MAST3: variants seen among roughly 807,000 people sequenced by gnomAD.
MAST3 encodes the protein microtubule-associated serine/threonine-protein kinase 3.
Under a neutral mutation model 127.0 loss-of-function variants are expected in MAST3, and 43 were observed. The observed-to-expected ratio is 0.34, with a 90% CI of 0.27 to 0.44. The LOEUF (loss-of-function observed/expected upper bound fraction) is 0.44, where lower values mean the gene tolerates loss of function less well. Ranked by LOEUF, MAST3 falls within the 20% of genes least tolerant of loss-of-function variation. MAST3 has a pLI of 1.00. For synonymous variants in MAST3, 785 were observed against 809.2 expected (o/e 0.97, Z 0.51); for missense variants, 1,390 against 1,919.1 (o/e 0.72, Z 5.15).
In MAST3 at chr19:18,149,383, C is replaced by T. The variant is rs1471699536; in HGVS notation, c.3701C>T (p.Ala1234Val). The change falls in exon 28 of 28, where the codon GCG becomes GTG. Residue 1234 changes from alanine to valine, a missense_variant. Physicochemically the swap from Ala to Val is moderately conservative, Grantham distance 64. Transcript: ENST00000687212. This position sits in a 1 kb window ranked among gnomAD's most constrained non-coding sequence, Gnocchi z 5.9. Reference protein sequence around the residue: ...PSPLACPPISAPPPRSPSPLP... With the variant: ...PSPLACPPISVPPPRSPSPLP... ...CCGCTGGCCTGCCCGCCCATCTCCGCGCCCCCACCCCGCTCGCCCTCGCCC... is the reference window on the plus strand; with the variant it reads ...CCGCTGGCCTGCCCGCCCATCTCCGTGCCCCCACCCCGCTCGCCCTCGCCC... The T allele has an allele frequency of 2.0e-6, 3 of 1,471,444 alleles. No homozygotes were observed. Among genetic ancestry groups the T allele is most frequent in the Non-Finnish European group, 1.8e-6 (2 of 1,116,666 alleles). The allele number at this position is 1,471,444 out of a possible 1,614,324, so 91.1% of individuals were successfully genotyped here. A position where few individuals can be genotyped will look rare whatever the true frequency, so the allele number is the denominator to read the frequency against.
Position 18,118,312 on chromosome 19 carries a change from A to G in MAST3, c.162-3373A>G, listed in dbSNP as rs907152290. ...GCCAGCCGAGCAAACAGGAGTTGCC[A>G]GAAGTGTGTCCTGGCCGCGTGGCGC... On this transcript the variant is annotated intron_variant, in intron 3 of 27. Transcript: ENST00000687212. 4.7e-5 allele frequency: 44 copies of G among 943,534 alleles called. No homozygotes were observed. The African/African-American group carries it at 6.0e-4, about 13-fold the overall frequency. The allele number at this position is 943,534 out of a possible 1,614,324, so 58.4% of individuals were successfully genotyped here. A position where few individuals can be genotyped will look rare whatever the true frequency, so the allele number is the denominator to read the frequency against.
In MAST3 at chr19:18,112,069, T is replaced by G. The variant is rs2038707862; in HGVS notation, c.161+1328T>G. Among the ~76,000 whole-genome samples the G allele has an allele frequency of 6.6e-6, 1 of 152,250 alleles. No individual in the cohort carries two copies. Among genetic ancestry groups the G allele is most frequent in the Non-Finnish European group, 1.5e-5 (1 of 68,038 alleles). ...ACAGGGACCTCTTGGGGAGGTGATGTTTGAGCCAAGGCCTGGGCACAGCTA... is the reference window on the plus strand; with the variant it reads ...ACAGGGACCTCTTGGGGAGGTGATGGTTGAGCCAAGGCCTGGGCACAGCTA... On this transcript the variant is annotated intron_variant, in intron 3 of 27. Coordinates refer to ENST00000687212, the MANE Select transcript of MAST3 (RefSeq NM_001393504.1). This position sits in a 1 kb window ranked among gnomAD's most constrained non-coding sequence, Gnocchi z 4.1.
At chr19:18,099,060 G>T (rs2037297940) in intron 1 of MAST3, 3 of 272,440 alleles carry the variant, frequency 1.1e-5, no homozygotes, top group African/African-American at 6.6e-5. Flanking sequence ...ACCTAGGGAG[G>T]ACTGAGCAGG....
chr19:18,100,128 C>CTCTTTTTTTTTT (rs776661078), intron 1 of MAST3, among the ~76,000 whole-genome samples: 11 of 121,710 alleles, frequency 9.0e-5, no homozygotes, highest in East Asian at 2.7e-4. Flanking sequence ...CTCTCTCTCT[C>CTCTTTTTTTTTT]TTTTTTTTTT....
At chr19:18,130,426 A>C (rs2041153277) in intron 13 of MAST3, 68 bp from the exon 14 acceptor site, 2 of 1,417,492 alleles carry the variant, frequency 1.4e-6, no homozygotes, top group Non-Finnish European at 1.9e-6. Flanking sequence ...ATCTGGGCTC[A>C]AGTTGAGCTG....
chr19:18,107,565 C>T (rs1156331952), intron 1 of MAST3, 22 bp from the exon 2 acceptor site: 22 of 1,612,948 alleles, frequency 1.4e-5, no homozygotes, highest in Non-Finnish European at 1.8e-5. Flanking sequence ...TGAGAATGAT[C>T]CCCATTTCTG....
At chr19:18,129,202 G>A (rs2040992763) in intron 13 of MAST3, 3 of 531,532 alleles carry the variant, frequency 5.6e-6, no homozygotes, top group Non-Finnish European at 1.0e-5. Flanking sequence ...GGGGCTTGGG[G>A]GCTGATCAAG....
intron 20 of MAST3, among the ~76,000 whole-genome samples, chr19:18,140,410 T>C (rs1599865411): frequency 6.6e-6 from 1 of 152,172 alleles, no homozygotes; most frequent in Non-Finnish European, 1.5e-5. Context: ...AGTGTACAAT[T>C]TCGTGGCATT....
chr19:18,099,811 C>T (rs1038469283), intron 1 of MAST3, among the ~76,000 whole-genome samples: 4 of 152,202 alleles, frequency 2.6e-5, no homozygotes, highest in African/African-American at 7.2e-5. Context: ...AGAACTTGAA[C>T]CTATTTCTTA....
At chr19:18,111,781 T>C (rs1289482816) in intron 3 of MAST3, among the ~76,000 whole-genome samples, 1 of 151,974 alleles carries the variant, frequency 6.6e-6, no homozygotes, top group African/African-American at 2.4e-5. Flanking sequence ...CCTCCCCAAG[T>C]GCTGGGATTA....
In MAST3 at chr19:18,149,989, T is replaced by C. The variant is rs2043421274; in HGVS notation, c.*263T>C. ...CTAATTTATTACTTTTTTTTTCTTT[T>C]TTTTTTTTTTTTTTTGAGACAGAGT... On this transcript the variant is annotated 3_prime_UTR_variant, in exon 28 of 28. Coordinates refer to ENST00000687212, the MANE Select transcript of MAST3 (RefSeq NM_001393504.1). The surrounding 1 kb of genome is among the most constrained non-coding windows in gnomAD (Gnocchi z 5.9). The C allele has an allele frequency of 8.0e-5, 23 of 288,070 alleles. No homozygotes were observed. Among genetic ancestry groups the C allele is most frequent in the African/African-American group, 3.8e-4 (16 of 42,126 alleles). 17.8% of individuals were successfully genotyped at this position (288,070 alleles called of 1,614,324 possible). A position where few individuals can be genotyped will look rare whatever the true frequency, so the allele number is the denominator to read the frequency against.
intron 1 of MAST3, among the ~76,000 whole-genome samples, chr19:18,104,179 C>CAAAAAAAAAAA (rs56347763): frequency 1.4e-4 from 6 of 43,484 alleles, no homozygotes; most frequent in African/African-American, 5.6e-4. Flanking sequence ...GACGCTGTCT[C>CAAAAAAAAAAA]AAAAAAAAAA....
intron 18 of MAST3, among the ~76,000 whole-genome samples, chr19:18,136,719 G>A (rs1212756339): frequency 1.3e-5 from 2 of 152,074 alleles, no homozygotes; most frequent in African/African-American, 4.8e-5. Flanking sequence ...GAGCCACCAT[G>A]CCTGGCTGCT....
intron 1 of MAST3, among the ~76,000 whole-genome samples, chr19:18,105,273 A>C (rs1256965959): frequency 6.6e-6 from 1 of 152,176 alleles, no homozygotes; most frequent in Non-Finnish European, 1.5e-5. Flanking sequence ...AGGCTGAGTC[A>C]GGAGAATCGC....
chr19:18,119,748 A>T (rs1213516948), intron 3 of MAST3, among the ~76,000 whole-genome samples: 4 of 152,214 alleles, frequency 2.6e-5, no homozygotes, highest in African/African-American at 7.2e-5. Flanking sequence ...GGGCAGCCAC[A>T]TGTGGAGACG....
chr19:18,099,464 G>T (rs1039809852), intron 1 of MAST3, among the ~76,000 whole-genome samples: 1 of 151,920 alleles, frequency 6.6e-6, no homozygotes, highest in African/African-American at 2.4e-5. Flanking sequence ...AGGCGAATGG[G>T]GGTGCTGCTG....
intron 3 of MAST3, among the ~76,000 whole-genome samples, chr19:18,111,967 A>G (rs538829747): frequency 1.3e-5 from 2 of 152,350 alleles, no homozygotes; most frequent in South Asian, 4.1e-4. Context: ...AAGAAAACAT[A>G]GTCCCTCCAT....
chr19:18,134,303 G>GCA (rs1158992193), intron 15 of MAST3, among the ~76,000 whole-genome samples: 2 of 152,184 alleles, frequency 1.3e-5, no homozygotes, highest in Admixed American at 6.5e-5. Flanking sequence ...TGTCATGCCA[G>GCA]CACTTTCAAA....
At chr19:18,134,237 T>TAC (rs1426432030) in intron 15 of MAST3, among the ~76,000 whole-genome samples, 15 of 151,628 alleles carry the variant, frequency 9.9e-5, no homozygotes, top group South Asian at 4.2e-4. Context: ...TATATATATA[T>TAC]ACACACACAC....
Sources: gnomAD v4.1 joint callset for allele counts (sites outside exome capture counted in the v4.1 genomes callset) on GRCh38, gnomAD v4.1.1 for gene constraint, Gnocchi (gnomAD v3.1) non-coding constraint, MANE v1.5 for transcripts, NCBI Gene and HGNC (gene_info 2026-07-23, HGNC 2026-07-21) for gene names.